The following PROS1 variants were observed in gnomAD, a reference collection of about 807,000 sequenced individuals.
PROS1 encodes the protein vitamin K-dependent protein S.
PROS1 carries 29 observed loss-of-function variants against 75.9 expected under a neutral mutation model. That is an observed-to-expected ratio of 0.38 (90% CI 0.28 to 0.52). The LOEUF (loss-of-function observed/expected upper bound fraction) is 0.52. PROS1 is among the 20% of genes least tolerant of loss of function. The pLI is 0.83. For synonymous variants in PROS1, 245 were observed against 280.6 expected, an observed-to-expected ratio of 0.87 and a Z score of 1.27; for missense variants, 680 against 810.3, an observed-to-expected ratio of 0.84 and a Z score of 1.95.
At chr3:93,956,549 CACACACACACACAA>C (rs1468761934) in intron 1 of PROS1, among the ~76,000 whole-genome samples, 9 of 78,720 alleles carry the variant, frequency 1.1e-4, no homozygotes, top group South Asian at 7.9e-4. Flanking sequence ...CACACACACA[CACACACACACACAA>C]ACACACACAC....
intron 1 of PROS1, among the ~76,000 whole-genome samples, chr3:93,934,656 G>A (rs548205754): frequency 1.3e-5 from 2 of 152,226 alleles, no homozygotes; most frequent in East Asian, 3.9e-4. Context: ...TAAATCCAGG[G>A]AGAGAAAAAG....
intron 4 of PROS1, among the ~76,000 whole-genome samples, chr3:93,908,979 C>T (rs1169102361): frequency 6.6e-6 from 1 of 152,002 alleles, no homozygotes; most frequent in Admixed American, 6.6e-5. Flanking sequence ...TATACTGACC[C>T]AAAAGAAACT....
At chr3:93,919,259 C>A (rs1355289135) in intron 3 of PROS1, among the ~76,000 whole-genome samples, 1 of 152,144 alleles carries the variant, frequency 6.6e-6, no homozygotes, top group Admixed American at 6.5e-5. Context: ...GCATTCTCAC[C>A]AGTGGAGTAT....
At chr3:93,935,013 G>A (rs1443735578) in intron 1 of PROS1, among the ~76,000 whole-genome samples, 5 of 151,562 alleles carry the variant, frequency 3.3e-5, no homozygotes, top group African/African-American at 9.7e-5. Flanking sequence ...AGCAGTACAC[G>A]TTAGTTATTC....
chr3:93,873,862 G>C lies in PROS1; in HGVS notation c.*383C>G, dbSNP rs1016416452. ...AAATAGTATCTGCCTATGATTAATA[G>C]TATTTAATTACACGCACTTTTGTTT... On this transcript the variant is annotated 3_prime_UTR_variant, in exon 15 of 15. Coordinates refer to ENST00000394236, the MANE Select transcript of PROS1 (RefSeq NM_000313.4). 1 of 242,100 alleles carries C rather than the reference G, an allele frequency of 4.1e-6. No homozygotes were observed. The highest frequency in any genetic ancestry group is 2.3e-5 in the African/African-American group (1 of 43,048). The allele number at this position is 242,100 out of a possible 1,614,324, so 15.0% of individuals were successfully genotyped here.
rs1708748351 is a variant in PROS1, at chr3:93,910,718, A to G, written c.260-13T>C. 2.5e-6 allele frequency: 4 copies of G among 1,601,190 alleles called. No homozygotes were observed. Among genetic ancestry groups the G allele is most frequent in the Non-Finnish European group, 8.5e-7 (1 of 1,170,034 alleles). ...GAGCGAAGACAAACTGAAAATAAAA[A>G]CAAACATAATCTTCTTAGAGTAGAC... On this transcript the variant is annotated splice_polypyrimidine_tract_variant and intron_variant, in intron 3 of 14. Transcript: ENST00000394236.
chr3:93,887,145 C>T (rs1265623000), intron 10 of PROS1, among the ~76,000 whole-genome samples: 1 of 151,972 alleles, frequency 6.6e-6, no homozygotes, highest in Non-Finnish European at 1.5e-5. Flanking sequence ...GTCTCGATCT[C>T]CTGACCTCAT....
At chr3:93,965,578 A>G (rs1160002252) in intron 1 of PROS1, among the ~76,000 whole-genome samples, 1 of 152,150 alleles carries the variant, frequency 6.6e-6, no homozygotes, top group Non-Finnish European at 1.5e-5. Context: ...CAGGTCAGAG[A>G]ACACTAGGCT....
chr3:93,973,091 C>T (rs888834585), intron 1 of PROS1, among the ~76,000 whole-genome samples: 2 of 152,126 alleles, frequency 1.3e-5, no homozygotes, highest in African/African-American at 4.8e-5. Context: ...TCAGTACAAA[C>T]GATCTGAGAA....
chr3:93,965,515 C>G (rs896604281), intron 1 of PROS1, among the ~76,000 whole-genome samples: 1 of 152,130 alleles, frequency 6.6e-6, no homozygotes, highest in Non-Finnish European at 1.5e-5. Context: ...AGCTATAACA[C>G]TCACTGCATG....
At chr3:93,953,187 A>G (rs1189658865) in intron 1 of PROS1, among the ~76,000 whole-genome samples, 1 of 152,204 alleles carries the variant, frequency 6.6e-6, no homozygotes, top group African/African-American at 2.4e-5. Flanking sequence ...AACTATTCCA[A>G]TCAATAGAAA....
At chr3:93,901,702 A>C (rs920528028) in intron 6 of PROS1, among the ~76,000 whole-genome samples, 7 of 152,194 alleles carry the variant, frequency 4.6e-5, no homozygotes, top group Admixed American at 2.0e-4. Context: ...AAAATTTAGG[A>C]TATTATTTAA....
At chr3:93,939,969 A>G (rs1180155478) in intron 1 of PROS1, among the ~76,000 whole-genome samples, 1 of 152,248 alleles carries the variant, frequency 6.6e-6, no homozygotes, top group Admixed American at 6.5e-5. Flanking sequence ...CCTTGCCTCC[A>G]CTGTGAGAGA....
intron 1 of PROS1, among the ~76,000 whole-genome samples, chr3:93,959,131 G>C (rs994574994): frequency 1.1e-4 from 16 of 152,070 alleles, no homozygotes; most frequent in African/African-American, 2.9e-4. Flanking sequence ...GTTGAGCTCA[G>C]GAGTTGGAGA....
rs1384956925 is a variant in PROS1 at position 93,917,949 on chromosome 3, C to T, written c.259+6291G>A. On this transcript the variant is annotated intron_variant, in intron 3 of 14. Transcript: ENST00000394236. ...CCAGGGCGCCCAGTCCCATTGACCA[C>T]CCAAGGGCTGAGGAGTGCGGGCACA... Among the ~76,000 whole-genome samples the T allele has an allele frequency of 7.2e-5, 11 of 152,284 alleles. No individual in the cohort carries two copies. The East Asian group carries it at 9.7e-4, about 13-fold the overall frequency.
At chr3:93,943,387 C>T (rs1335187351) in intron 1 of PROS1, among the ~76,000 whole-genome samples, 1 of 152,100 alleles carries the variant, frequency 6.6e-6, no homozygotes, top group Non-Finnish European at 1.5e-5. Flanking sequence ...CCTCTTTCTC[C>T]TTGTGTCTTC....
In PROS1 at chr3:93,973,667, T is replaced by G. The variant is rs201928951; in HGVS notation, c.76+7A>C. ...GGAAGGGAGAAGAGACGCTATTGAT[T>G]ACTCACAGTTTGCCTCTGAGACGGG... On this transcript the variant is annotated splice_region_variant and intron_variant, in intron 1 of 14. Transcript: ENST00000394236. 2 of 1,613,388 alleles carry G rather than the reference T, an allele frequency of 1.2e-6. No individual in the cohort carries two copies. The highest frequency in any genetic ancestry group is 2.2e-5 in the South Asian group (2 of 90,956).
In PROS1 at chr3:93,911,510, T is replaced by C. The variant is rs1708759134; in HGVS notation, c.260-805A>G. On this transcript the variant is annotated intron_variant, in intron 3 of 14. Transcript: ENST00000394236. ...CCAAAATTAGTAGCTTAAGTAATCA[T>C]TGTATTTTTCTCATGATTTGCGGGT... is the stretch of plus-strand genomic sequence containing the variant. Among the ~76,000 whole-genome samples the C allele has an allele frequency of 2.6e-5, 4 of 152,302 alleles. No homozygotes were observed. In the South Asian group the frequency reaches 8.3e-4, roughly 32 times the overall value.
chr3:93,945,437 C>A (rs1049368496), intron 1 of PROS1, among the ~76,000 whole-genome samples: 2 of 152,186 alleles, frequency 1.3e-5, no homozygotes, highest in Admixed American at 1.3e-4. Context: ...CCGAATCCAG[C>A]AGCACATCAA....
Sources: allele counts gnomAD v4.1 joint callset (sites outside exome capture counted in the v4.1 genomes callset), GRCh38; gene constraint gnomAD v4.1.1; transcripts MANE v1.5; gene names NCBI Gene and HGNC (gene_info 2026-07-23, HGNC 2026-07-21).